CLIC2: variants seen among roughly 807,000 people sequenced by gnomAD.
CLIC2 encodes the protein chloride intracellular channel protein 2.
In CLIC2, 9 loss-of-function variants were observed where a neutral mutation model predicts 14.8. The ratio of observed to expected loss-of-function variants is 0.61; its 90% CI spans 0.37 to 1.06. The LOEUF is 1.06. Ranked by LOEUF, CLIC2 falls within the 50% of genes least tolerant of loss-of-function variation. The pLI is 0.01. For synonymous variants in CLIC2, 61 were observed against 66.3 expected (o/e 0.92, Z 0.39); for missense variants, 148 against 181.4 (o/e 0.82, Z 1.06).
At chrX:155,286,174 CT>C (rs1425328973) in intron 3 of CLIC2, among the ~76,000 whole-genome samples, 4 of 111,708 alleles carry the variant, frequency 3.6e-5, no homozygotes, top group African/African-American at 1.3e-4. Flanking sequence ...TTGTTCCCTT[CT>C]TTGTGTTCAT....
rs782438433 is a variant in CLIC2 at position 155,305,328 on chromosome X, T to C, written c.58-6183A>G. On this transcript the variant is annotated intron_variant, in intron 1 of 5. Coordinates refer to ENST00000369449, the MANE Select transcript of CLIC2 (RefSeq NM_001289.6). ...AAGCGCAGTATTTGGGTGGGAGTGA[T>C]CCGATTTTCCAGGTGCCATCTGTCA... is the stretch of plus-strand genomic sequence containing the variant. 7.4e-3 allele frequency among the ~76,000 whole-genome samples: 835 copies of C among 112,106 alleles called. 2 individuals are homozygous for C. The highest frequency in any genetic ancestry group is 0.019 in the Middle Eastern group (4 of 216).
intron 3 of CLIC2, among the ~76,000 whole-genome samples, chrX:155,280,607 T>C (rs983387184): frequency 8.1e-5 from 9 of 110,615 alleles, no homozygotes; most frequent in Non-Finnish European, 1.3e-4. Flanking sequence ...GCAGGAGAAT[T>C]GCTTGAAGCT....
intron 1 of CLIC2, among the ~76,000 whole-genome samples, chrX:155,305,073 G>T (rs1410496086): frequency 8.9e-6 from 1 of 112,323 alleles, no homozygotes; most frequent in Non-Finnish European, 1.9e-5. Context: ...GCCTACAGAG[G>T]CAGGCAGACC....
Sources: allele counts gnomAD v4.1 joint callset (sites outside exome capture counted in the v4.1 genomes callset), GRCh38; gene constraint gnomAD v4.1.1; transcripts MANE v1.5; gene names NCBI Gene and HGNC (gene_info 2026-07-23, HGNC 2026-07-21).